The following NEGR1 variants were observed in gnomAD, a reference collection of about 807,000 sequenced individuals.
The protein encoded by NEGR1 is IgLON family member 4.
In NEGR1, 10 loss-of-function variants were observed where a neutral mutation model predicts 40.9. The observed-to-expected ratio is 0.24, with a 90% CI of 0.15 to 0.42. The LOEUF is 0.42. Among genes scored for constraint, NEGR1 ranks in the 10% least tolerant of loss-of-function variants. The probability of loss-of-function intolerance (pLI) is 1.00; values close to 1 mark genes in which losing one functional copy is unlikely to be tolerated. For missense variants in NEGR1, 352 were observed against 438.9 expected, an observed-to-expected ratio of 0.80 and a Z score of 1.77; for synonymous variants, 185 against 166.8, an observed-to-expected ratio of 1.11 and a Z score of -0.84.
intron 1 of NEGR1, among the ~76,000 whole-genome samples, chr1:72,207,674 T>C (rs1309759618): frequency 1.3e-5 from 2 of 151,734 alleles, no homozygotes; most frequent in East Asian, 1.9e-4. Flanking sequence ...AAGTTGTTTG[T>C]TGGAAAAACG....
chr1:72,085,254 A>G (rs1175425195), intron 1 of NEGR1, among the ~76,000 whole-genome samples: 1 of 152,202 alleles, frequency 6.6e-6, no homozygotes, highest in Non-Finnish European at 1.5e-5. Flanking sequence ...AAATACACAA[A>G]GATTAGTATT....
At chr1:71,897,160 AAT>A (rs545897885) in intron 2 of NEGR1, among the ~76,000 whole-genome samples, 74 of 150,156 alleles carry the variant, frequency 4.9e-4, no homozygotes, top group East Asian at 1.4e-3. Context: ...TATGTTATAG[AAT>A]ATATATATAT....
rs920531343 is a variant in NEGR1 at position 72,209,830 on chromosome 1, G to T, written c.176+72489C>A. 3.3e-5 allele frequency among the ~76,000 whole-genome samples: 5 copies of T among 151,764 alleles called. No individual in the cohort carries two copies. In the Admixed American group the frequency reaches 3.3e-4, roughly 10 times the overall value. On this transcript the variant is annotated intron_variant, in intron 1 of 6. Coordinates refer to ENST00000357731, the MANE Select transcript of NEGR1 (RefSeq NM_173808.3). ...TTATAGGTGGTCATAAGGAATCAAT[G>T]AATTTTATAGCAGCTAGATCTATGT...
chr1:71,474,717 CAAAAA>C (rs56219737), intron 6 of NEGR1, among the ~76,000 whole-genome samples: 5 of 86,048 alleles, frequency 5.8e-5, no homozygotes, highest in African/African-American at 2.3e-4. Flanking sequence ...GACTCTATCT[CAAAAA>C]AAAAAAAAAA....
At position 71,481,522 on chromosome 1, in the gene NEGR1, C is replaced by T. The variant is rs75818365; in HGVS notation, c.941-73952G>A. Among the ~76,000 whole-genome samples, 68 of 151,896 alleles carry T rather than the reference C, an allele frequency of 4.5e-4. 2 individuals carry two copies. The East Asian group carries it at 0.011, about 24-fold the overall frequency. The stretch of plus-strand genomic sequence containing the variant: ...GCAACAATGGTAACACTGAACCATA[C>T]CTATTGAATATTAAAATAAAACAAA... On this transcript the variant is annotated intron_variant, in intron 6 of 6. Coordinates refer to ENST00000357731, the MANE Select transcript of NEGR1 (RefSeq NM_173808.3).
chr1:72,121,246 T>C (rs1191781643), intron 1 of NEGR1, among the ~76,000 whole-genome samples: 1 of 152,006 alleles, frequency 6.6e-6, no homozygotes, highest in African/African-American at 2.4e-5. Flanking sequence ...TATTTAAACC[T>C]CCAATGTTAC....
intron 6 of NEGR1, among the ~76,000 whole-genome samples, chr1:71,582,895 A>G (rs949783696): frequency 1.3e-5 from 2 of 152,162 alleles, no homozygotes; most frequent in African/African-American, 4.8e-5. Flanking sequence ...GTTGGCCCTT[A>G]GGCTGCAACT....
chr1:71,664,517 C>T (rs924578826), intron 4 of NEGR1, among the ~76,000 whole-genome samples: 7 of 152,170 alleles, frequency 4.6e-5, no homozygotes, highest in African/African-American at 9.6e-5. Context: ...AAGTTTTTTA[C>T]ATATCTTTTT....
intron 2 of NEGR1, among the ~76,000 whole-genome samples, chr1:71,895,284 C>A (rs1660938228): frequency 6.6e-6 from 1 of 152,084 alleles, no homozygotes; most frequent in Non-Finnish European, 1.5e-5. Flanking sequence ...TTCTCATAAC[C>A]ATCCGTTTAA....
In NEGR1 at chr1:71,597,941, C is replaced by A. The variant is rs141451132; in HGVS notation, c.789-4973G>T. On this transcript the variant is annotated intron_variant, in intron 5 of 6. Transcript: ENST00000357731. ...ATTAAAAAAAAAATTCAGCATTGTA[C>A]ACAATAATGTTTCGTGTTACGAGTG... 6.7e-4 allele frequency among the ~76,000 whole-genome samples: 102 copies of A among 152,068 alleles called. 1 individual carries two copies. In the East Asian group the frequency reaches 0.018, roughly 27 times the overall value.
intron 3 of NEGR1, among the ~76,000 whole-genome samples, chr1:71,705,448 C>A (rs545014513): frequency 1.3e-5 from 2 of 152,232 alleles, no homozygotes; most frequent in East Asian, 1.9e-4. Context: ...GGAAAAGACA[C>A]CATTAATTAC....
At chr1:71,416,487 G>A (rs984306827) in intron 6 of NEGR1, among the ~76,000 whole-genome samples, 11 of 151,694 alleles carry the variant, frequency 7.3e-5, no homozygotes, top group African/African-American at 2.2e-4. Flanking sequence ...TTTGTTCTTC[G>A]ATTTTTCCAG....
chr1:71,746,776 A>T (rs542923526), intron 3 of NEGR1, among the ~76,000 whole-genome samples: 1 of 144,240 alleles, frequency 6.9e-6, no homozygotes, highest in Non-Finnish European at 1.5e-5. Context: ...ACACACGCAC[A>T]CACACACACA....
At chr1:71,835,466 G>A (rs1219245608) in intron 2 of NEGR1, among the ~76,000 whole-genome samples, 1 of 152,078 alleles carries the variant, frequency 6.6e-6, no homozygotes, top group Non-Finnish European at 1.5e-5. Context: ...TGTTATTACT[G>A]TCCTGCAACC....
chr1:71,807,030 C>T (rs938574201), intron 2 of NEGR1, among the ~76,000 whole-genome samples: 2 of 151,532 alleles, frequency 1.3e-5, no homozygotes, highest in Non-Finnish European at 2.9e-5. Flanking sequence ...GTAGCTGGGA[C>T]TACAGGCGCC....
chr1:72,068,067 T>A (rs973762568), intron 1 of NEGR1, among the ~76,000 whole-genome samples: 5 of 152,204 alleles, frequency 3.3e-5, no homozygotes, highest in Non-Finnish European at 5.9e-5. Context: ...AATTAGAGGT[T>A]CATTGATTAT....
chr1:71,953,778 A>G (rs1378005279), intron 1 of NEGR1, among the ~76,000 whole-genome samples: 2 of 152,046 alleles, frequency 1.3e-5, no homozygotes, highest in Non-Finnish European at 2.9e-5. Context: ...TGAAGGCTCA[A>G]ATGATAATTA....
chr1:72,051,411 T>C (rs1446757562), intron 1 of NEGR1, among the ~76,000 whole-genome samples: 6 of 151,642 alleles, frequency 4.0e-5, no homozygotes, highest in Non-Finnish European at 4.4e-5. Context: ...ATCATCGTGA[T>C]GGCATGAACC....
rs577844160 is a variant in NEGR1, at chr1:72,122,490, C to T, written c.176+159829G>A. Among the ~76,000 whole-genome samples the T allele has an allele frequency of 3.8e-4, 58 of 151,908 alleles. 1 individual carries two copies. Among genetic ancestry groups the T allele is most frequent in the African/African-American group, 1.3e-3 (55 of 41,460 alleles). On this transcript the variant is annotated intron_variant, in intron 1 of 6. Coordinates refer to ENST00000357731, the MANE Select transcript of NEGR1 (RefSeq NM_173808.3). ...ATACATAAACTTGTGACCCTGGGTA[C>T]ATTTATGAGAATTATATAGAAAATG... is the stretch of plus-strand genomic sequence containing the variant.
Sources: allele counts gnomAD v4.1 joint callset (sites outside exome capture counted in the v4.1 genomes callset), GRCh38; gene constraint gnomAD v4.1.1; transcripts MANE v1.5; gene names NCBI Gene and HGNC (gene_info 2026-07-23, HGNC 2026-07-21).